The following PTPRT variants were observed in gnomAD, a reference collection of about 807,000 sequenced individuals.
PTPRT encodes the protein protein tyrosine phosphatase receptor type T.
Under a neutral mutation model 176.8 loss-of-function variants are expected in PTPRT, and 56 were observed. The ratio of observed to expected loss-of-function variants is 0.32; its 90% CI spans 0.26 to 0.40. The LOEUF is 0.40. PTPRT is among the 10% of genes least tolerant of loss of function. The pLI, the probability that PTPRT is intolerant of heterozygous loss-of-function variation, is 1.00. For synonymous variants in PTPRT, 783 were observed against 739.0 expected (o/e 1.06, Z -0.96); for missense variants, 1,540 against 1,908.2 (o/e 0.81, Z 3.60).
intron 1 of PTPRT, among the ~76,000 whole-genome samples, chr20:42,953,506 G>A (rs893235305): frequency 6.6e-6 from 1 of 152,192 alleles, no homozygotes; most frequent in Non-Finnish European, 1.5e-5. Context: ...ATAACTTGTT[G>A]TTCACTTGAA....
intron 9 of PTPRT, among the ~76,000 whole-genome samples, chr20:42,424,735 G>C (rs2059147854): frequency 6.6e-6 from 1 of 151,360 alleles, no homozygotes; most frequent in Non-Finnish European, 1.5e-5. Context: ...TAGCAGCCAT[G>C]GCACATCTTT....
At chr20:42,541,385 T>C (rs1303946387) in intron 7 of PTPRT, among the ~76,000 whole-genome samples, 3 of 152,038 alleles carry the variant, frequency 2.0e-5, no homozygotes, top group Non-Finnish European at 4.4e-5. Context: ...AGTATGCTAG[T>C]AGACAAAGGA....
chr20:42,171,757 C>A (rs1020190779), intron 16 of PTPRT, among the ~76,000 whole-genome samples: 7 of 152,062 alleles, frequency 4.6e-5, no homozygotes, highest in African/African-American at 1.7e-4. Context: ...ATAGAAGCAC[C>A]TGCCAACATA....
rs1023536926 is a variant in PTPRT, at chr20:42,572,088, G to A, written c.1154-99526C>T. Among the ~76,000 whole-genome samples, 10 of 152,262 alleles carry A rather than the reference G, an allele frequency of 6.6e-5. No homozygotes were observed. In the East Asian group the frequency reaches 1.7e-3, roughly 27 times the overall value. On this transcript the variant is annotated intron_variant, in intron 7 of 30. Coordinates refer to ENST00000373187, the MANE Select transcript of PTPRT (RefSeq NM_007050.6). Reference sequence around the variant, plus strand: ...GACTCCAGAATATATGATGTCTGGCGAGGGTCTGTTCCTCATAGATGGTGA... The same window carrying A: ...GACTCCAGAATATATGATGTCTGGCAAGGGTCTGTTCCTCATAGATGGTGA...
At chr20:42,561,846 G>A (rs1185995925) in intron 7 of PTPRT, among the ~76,000 whole-genome samples, 2 of 152,198 alleles carry the variant, frequency 1.3e-5, no homozygotes, top group Non-Finnish European at 2.9e-5. Context: ...CTAGATTTCT[G>A]TTGGGACTGC....
At chr20:42,202,929 T>G (rs565696267) in intron 15 of PTPRT, among the ~76,000 whole-genome samples, 2 of 152,250 alleles carry the variant, frequency 1.3e-5, no homozygotes, top group Non-Finnish European at 2.9e-5. Context: ...ATAGAAATGT[T>G]TGGGTAGCTC....
At chr20:42,281,787 C>A (rs899139731) in intron 13 of PTPRT, among the ~76,000 whole-genome samples, 25 of 152,114 alleles carry the variant, frequency 1.6e-4, no homozygotes, top group African/African-American at 6.0e-4. Flanking sequence ...TTAAAAATAT[C>A]AACTCTGTAA....
intron 2 of PTPRT, among the ~76,000 whole-genome samples, chr20:42,805,501 T>C (rs1489926135): frequency 6.6e-6 from 1 of 152,200 alleles, no homozygotes; most frequent in Non-Finnish European, 1.5e-5. Flanking sequence ...CACCAGGCAC[T>C]GTTGTAGGCC....
At chr20:42,571,268 TTC>T (rs2073148336) in intron 7 of PTPRT, among the ~76,000 whole-genome samples, 1 of 152,222 alleles carries the variant, frequency 6.6e-6, no homozygotes, top group East Asian at 1.9e-4. Context: ...ACTTATTTGT[TTC>T]TGTCTGCATT....
intron 23 of PTPRT, among the ~76,000 whole-genome samples, chr20:42,109,965 G>C (rs1171300549): frequency 6.6e-6 from 1 of 152,094 alleles, no homozygotes; most frequent in Non-Finnish European, 1.5e-5. Context: ...GAGTCTCTAA[G>C]AGTAAAGCCA....
chr20:42,329,158 A>G (rs146963547), intron 11 of PTPRT, among the ~76,000 whole-genome samples: 110 of 152,294 alleles, frequency 7.2e-4, no homozygotes, highest in African/African-American at 2.4e-3. Context: ...CAAGACTCAG[A>G]TGAATAGATA....
rs1253452939 is a variant in PTPRT, at chr20:42,864,130, G to C, written c.214+21677C>G. Among the ~76,000 whole-genome samples, 4 of 152,224 alleles carry C rather than the reference G, an allele frequency of 2.6e-5. No homozygotes were observed. The South Asian group carries it at 8.3e-4, about 31-fold the overall frequency. On this transcript the variant is annotated intron_variant, in intron 2 of 30. Coordinates refer to ENST00000373187, the MANE Select transcript of PTPRT (RefSeq NM_007050.6). Reference sequence around the variant, plus strand: ...CATTGGCAAGTGAGACCCTGTGTGGGCGTTTCTGCCCCAGGCCAGGACTAA... The same window carrying C: ...CATTGGCAAGTGAGACCCTGTGTGGCCGTTTCTGCCCCAGGCCAGGACTAA...
chr20:42,035,537 C>T, the PTPRT span, among the ~76,000 whole-genome samples: 1 of 152,096 alleles, frequency 6.6e-6, no homozygotes, highest in African/African-American at 2.4e-5. Flanking sequence ...CCCAACAGCC[C>T]AGCTATTGGC....
chr20:42,361,777 T>C (rs1027548403), intron 9 of PTPRT, among the ~76,000 whole-genome samples: 4 of 152,158 alleles, frequency 2.6e-5, no homozygotes, highest in African/African-American at 9.7e-5. Flanking sequence ...CTAGACATTG[T>C]GGAGCTGAAG....
chr20:42,298,001 T>C (rs73120072), intron 12 of PTPRT, among the ~76,000 whole-genome samples: 12,098 of 151,888 alleles, frequency 0.08, 512 homozygotes, highest in Middle Eastern at 0.11. Context: ...TTAAATGTAA[T>C]AAAAGAAAAA....
At chr20:43,188,494 G>C (rs2015450831) in intron 1 of PTPRT, among the ~76,000 whole-genome samples, 1 of 152,116 alleles carries the variant, frequency 6.6e-6, no homozygotes, top group Admixed American at 6.5e-5. Flanking sequence ...CCTCCCCACA[G>C]GTTCGTTCTT....
intron 2 of PTPRT, among the ~76,000 whole-genome samples, chr20:42,850,735 T>TG (rs1166374654): frequency 4.6e-5 from 7 of 152,170 alleles, no homozygotes; most frequent in Non-Finnish European, 1.0e-4. Context: ...ACAGGGAAGG[T>TG]GCTTAGAGGC....
intron 7 of PTPRT, among the ~76,000 whole-genome samples, chr20:42,547,208 C>CA (rs1409579709): frequency 2.6e-5 from 4 of 151,986 alleles, no homozygotes; most frequent in African/African-American, 9.7e-5. Flanking sequence ...GTTACATTAG[C>CA]AAAAATCTTG....
At chr20:42,121,797 T>C (rs1255358035) in intron 19 of PTPRT, among the ~76,000 whole-genome samples, 2 of 151,412 alleles carry the variant, frequency 1.3e-5, no homozygotes, top group Admixed American at 1.3e-4. Flanking sequence ...TATATACATA[T>C]ATATGTGTAC....
Sources: gnomAD v4.1 joint callset for allele counts (sites outside exome capture counted in the v4.1 genomes callset) on GRCh38, gnomAD v4.1.1 for gene constraint, MANE v1.5 for transcripts, NCBI Gene and HGNC (gene_info 2026-07-23, HGNC 2026-07-21) for gene names.